Variants in MED12L observed in about 807,000 individuals in gnomAD.
MED12L encodes mediator complex subunit 12L.
In MED12L, 60 loss-of-function variants were observed where a neutral mutation model predicts 281.3. The observed-to-expected ratio is 0.21, with a 90% CI of 0.17 to 0.26. The LOEUF is 0.26. Ranked by LOEUF, MED12L falls within the 10% of genes least tolerant of loss-of-function variation. The probability of loss-of-function intolerance (pLI) is 1.00; values close to 1 mark genes in which losing one functional copy is unlikely to be tolerated. For missense variants in MED12L, 2,146 were observed against 2,680.9 expected, an observed-to-expected ratio of 0.80 and a Z score of 4.41; for synonymous variants, 974 against 987.2, an observed-to-expected ratio of 0.99 and a Z score of 0.25.
At chr3:151,115,178 C>T (rs763392127) in intron 2 of MED12L, among the ~76,000 whole-genome samples, 13 of 152,188 alleles carry the variant, frequency 8.5e-5, no homozygotes, top group Middle Eastern at 3.4e-3. Context: ...AATCATAAGG[C>T]GTGTGCCTAG....
intron 2 of MED12L, among the ~76,000 whole-genome samples, chr3:151,100,256 G>C (rs1306782800): frequency 6.6e-6 from 1 of 152,192 alleles, no homozygotes; most frequent in East Asian, 1.9e-4. Context: ...ATTTCCCTCA[G>C]TAAGAATAAC....
At position 151,356,023 on chromosome 3, in the gene MED12L, T is replaced by C. The variant is rs1178913570; in HGVS notation, c.2645T>C (p.Ile882Thr). 1.9e-6 allele frequency: 3 copies of C among 1,612,260 alleles called. No individual in the cohort carries two copies. The highest frequency in any genetic ancestry group is 2.2e-5 in the East Asian group (1 of 44,850). The change falls in exon 19 of 45, where the codon ATT becomes ACT. Residue 882 changes from isoleucine to threonine, a missense_variant. Physicochemically the swap from Ile to Thr is moderately conservative, Grantham distance 89. Transcript: ENST00000687756. ...CCAGCACTGAACATCAACGGACTAA[T>C]TGACTTCGCAATACAGGTGTCAAAG... is the stretch of plus-strand genomic sequence containing the variant. ...MEPALNINGLIDFAIQLLNEL... is the reference protein window; with the variant it reads ...MEPALNINGLTDFAIQLLNEL...
chr3:151,161,463 G>C (rs1302857830), intron 8 of MED12L, among the ~76,000 whole-genome samples: 1 of 152,170 alleles, frequency 6.6e-6, no homozygotes, highest in Non-Finnish European at 1.5e-5. Context: ...GAGTGCTTAA[G>C]AGTCGGGCAG....
chr3:151,380,466 G>A (rs567853931), intron 32 of MED12L, among the ~76,000 whole-genome samples: 1 of 152,110 alleles, frequency 6.6e-6, no homozygotes, highest in Non-Finnish European at 1.5e-5. Flanking sequence ...GCATGATGGT[G>A]TGCGCCTATG....
In MED12L at chr3:151,208,357, G is replaced by C. The variant is rs574956030; in HGVS notation, c.2250+14691G>C. 3.3e-5 allele frequency among the ~76,000 whole-genome samples: 5 copies of C among 152,272 alleles called. No individual in the cohort carries two copies. The South Asian group carries it at 1.0e-3, about 32-fold the overall frequency. ...CAACATAACTAACAGCTTGAAAAAA[G>C]CTGCAAGTTAAATGTAGAGACCCTT... On this transcript the variant is annotated intron_variant, in intron 16 of 44. Transcript: ENST00000687756.
At chr3:151,385,686 C>A (rs1193226156) in intron 36 of MED12L, among the ~76,000 whole-genome samples, 6 of 149,632 alleles carry the variant, frequency 4.0e-5, no homozygotes, top group Non-Finnish European at 8.9e-5. Context: ...ACACCCTAGC[C>A]TGGGCAACAA....
intron 4 of MED12L, among the ~76,000 whole-genome samples, chr3:151,124,784 A>C (rs1387205327): frequency 6.6e-6 from 1 of 152,174 alleles, no homozygotes; most frequent in Non-Finnish European, 1.5e-5. Context: ...GGACCTTTTA[A>C]CTCAATCACA....
chr3:151,135,973 CAGAT>C (rs1363380178), intron 5 of MED12L, among the ~76,000 whole-genome samples: 3 of 152,104 alleles, frequency 2.0e-5, no homozygotes, highest in African/African-American at 4.8e-5. Flanking sequence ...TTTGGGGGAA[CAGAT>C]AGATTCAAAG....
At chr3:151,243,560 A>G (rs1734704001) in intron 16 of MED12L, among the ~76,000 whole-genome samples, 1 of 152,204 alleles carries the variant, frequency 6.6e-6, no homozygotes, top group African/African-American at 2.4e-5. Flanking sequence ...ACAGACAAGC[A>G]AATACTGAGA....
At chr3:151,234,176 A>G (rs190489844) in intron 16 of MED12L, among the ~76,000 whole-genome samples, 1 of 152,310 alleles carries the variant, frequency 6.6e-6, no homozygotes. Context: ...TATGGAAATA[A>G]CCCAGATGAT....
chr3:151,300,080 A>C (rs183422689), intron 16 of MED12L: 1 of 1,606,288 alleles, frequency 6.2e-7, no homozygotes, highest in Non-Finnish European at 8.5e-7. Flanking sequence ...GTAATTTTGC[A>C]AGCGTCAAGT....
chr3:151,346,584 C>T (rs57361678), intron 16 of MED12L, among the ~76,000 whole-genome samples: 7,239 of 152,236 alleles, frequency 0.048, 186 homozygotes, highest in East Asian at 0.13. Flanking sequence ...CCTCACTGGA[C>T]GTTGTCAGTG....
intron 16 of MED12L, among the ~76,000 whole-genome samples, chr3:151,226,309 C>T (rs371759880): frequency 1.3e-5 from 2 of 152,158 alleles, no homozygotes; most frequent in African/African-American, 4.8e-5. Context: ...AAGACTGACA[C>T]GAGAGGCTGT....
chr3:151,401,239 C>A (rs1054123750), intron 39 of MED12L, among the ~76,000 whole-genome samples: 10 of 149,988 alleles, frequency 6.7e-5, no homozygotes, highest in South Asian at 6.3e-4. Flanking sequence ...GTTATTTATT[C>A]ATTCTGTTGA....
chr3:151,111,140 G>A (rs1576748127), intron 2 of MED12L, among the ~76,000 whole-genome samples: 1 of 152,236 alleles, frequency 6.6e-6, no homozygotes, highest in East Asian at 1.9e-4. Context: ...GAGAGCCACT[G>A]CTTTAAGGAA....
At chr3:151,105,100 C>T (rs545023171) in intron 2 of MED12L, among the ~76,000 whole-genome samples, 1 of 152,310 alleles carries the variant, frequency 6.6e-6, no homozygotes, top group South Asian at 2.1e-4. Context: ...GTCTCCAGAT[C>T]CTCCTCTGCA....
chr3:151,357,416 G>C (rs1318333184), intron 20 of MED12L, 40 bp downstream of exon 20: 14 of 1,521,640 alleles, frequency 9.2e-6, no homozygotes, highest in Middle Eastern at 1.8e-4. Flanking sequence ...TCCAATCTCA[G>C]AATGTATAAC....
intron 16 of MED12L, among the ~76,000 whole-genome samples, chr3:151,287,654 T>C (rs1743711769): frequency 6.6e-6 from 1 of 152,182 alleles, no homozygotes; most frequent in East Asian, 1.9e-4. Flanking sequence ...TGCCTCGGTT[T>C]CTTCATCTGT....
At chr3:151,392,656 C>CA (rs991075976) in intron 38 of MED12L, among the ~76,000 whole-genome samples, 1 of 152,070 alleles carries the variant, frequency 6.6e-6, no homozygotes, top group African/African-American at 2.4e-5. Flanking sequence ...CACCATCACT[C>CA]ACATACAAAA....
Sources: allele counts gnomAD v4.1 joint callset (sites outside exome capture counted in the v4.1 genomes callset), GRCh38; gene constraint gnomAD v4.1.1; transcripts MANE v1.5; gene names NCBI Gene and HGNC (gene_info 2026-07-23, HGNC 2026-07-21).